SIDT2: variants seen among roughly 807,000 people sequenced by gnomAD.
The protein encoded by SIDT2 is SID1 transmembrane family member 2, also known as SID1 transmembrane family, member 2.
A neutral mutation model predicts 114.4 loss-of-function variants in SIDT2; 68 were observed. The ratio of observed to expected loss-of-function variants is 0.59; its 90% confidence interval spans 0.49 to 0.73. SIDT2 has a LOEUF of 0.73. Among genes scored for constraint, SIDT2 ranks in the 30% least tolerant of loss-of-function variants. The pLI, the probability that SIDT2 is intolerant of heterozygous loss-of-function variation, is 0.00. For synonymous variants in SIDT2, 470 were observed against 438.4 expected, an observed-to-expected ratio of 1.07 and a Z score of -0.90; for missense variants, 918 against 1,097.1, an observed-to-expected ratio of 0.84 and a Z score of 2.31.
At position 117,179,084 on chromosome 11, in the gene SIDT2, T is replaced by TG. The variant is rs2030143439; in HGVS notation, c.-177dup. On this transcript the variant is annotated 5_prime_UTR_variant, in exon 1 of 26. Transcript: ENST00000324225. Reference sequence around the variant, plus strand: ...GCCGCCCCCTCCCCTGCGGGGACCCTGGGAGCCTCTTCGGGGCTCTTGGGA... The same window carrying TG: ...GCCGCCCCCTCCCCTGCGGGGACCCTGGGGAGCCTCTTCGGGGCTCTTGGGA... 1.5e-6 allele frequency: 1 copy of TG among 650,710 alleles called. No individual in the cohort carries two copies. Among genetic ancestry groups the TG allele is most frequent in the Non-Finnish European group, 2.6e-6 (1 of 387,130 alleles). The allele number at this position is 650,710 out of a possible 1,614,324, so 40.3% of individuals were successfully genotyped here.
At position 117,183,773 on chromosome 11, in the gene SIDT2, C is replaced by CTGCTTT; in HGVS notation, c.703-3_703-2insTTTTGC. ...GAAGAAGATATTTATCATCATCATC[C>CTGCTTT]TGCAGCGCAAAGACTTCCCCAGCAA... On this transcript the variant is annotated splice_polypyrimidine_tract_variant and splice_region_variant and intron_variant, in intron 6 of 25. Coordinates refer to ENST00000324225, the MANE Select transcript of SIDT2 (RefSeq NM_001040455.2). 6.3e-7 allele frequency: 1 copy of CTGCTTT among 1,599,936 alleles called. No homozygotes were observed. The highest frequency in any genetic ancestry group is 8.6e-7 in the Non-Finnish European group (1 of 1,167,262).
chr11:117,179,309 G>C lies in SIDT2; in HGVS notation c.46G>C (p.Val16Leu), dbSNP rs1207477227. 24 of 1,614,052 alleles carry C rather than the reference G, an allele frequency of 1.5e-5. No individual in the cohort carries two copies. Among genetic ancestry groups the C allele is most frequent in the Non-Finnish European group, 2.0e-5 (24 of 1,180,024 alleles). Reference sequence around the variant, plus strand: ...CTTCTTGGTGCTCTTGGTGGCCTCGGTCGAGAGCCATCTGGGGGTTCTGGG... The same window carrying C: ...CTTCTTGGTGCTCTTGGTGGCCTCGCTCGAGAGCCATCTGGGGGTTCTGGG... ...LPFLVLLVASVESHLGVLGPK... is the reference protein window; with the variant it reads ...LPFLVLLVASLESHLGVLGPK... The change falls in exon 1 of 26, where the codon GTC (valine) becomes CTC (leucine). Residue 16 changes from valine to leucine, a missense_variant. Val to Leu is a conservative substitution (Grantham distance 32). Transcript: ENST00000324225.
At position 117,188,143 on chromosome 11, in the gene SIDT2, C is replaced by T. The variant is rs747773302; in HGVS notation, c.1159+444C>T. ...CCTTTGGCTGGCGGGCTGGCGCCTC[C>T]GCTCTCTCCAGGCTGGACAATCTAG... On this transcript the variant is annotated intron_variant, in intron 12 of 25. Coordinates refer to ENST00000324225, the MANE Select transcript of SIDT2 (RefSeq NM_001040455.2). This position sits in a 1 kb window ranked among gnomAD's most constrained non-coding sequence, Gnocchi z 4.0. The T allele has an allele frequency of 7.9e-6, 3 of 380,028 alleles. No individual in the cohort carries two copies. Among genetic ancestry groups the T allele is most frequent in the Admixed American group, 3.4e-5 (1 of 29,114 alleles). The allele number at this position is 380,028 out of a possible 1,614,324, so 23.5% of individuals were successfully genotyped here. A position where few individuals can be genotyped will look rare whatever the true frequency, so the allele number is the denominator to read the frequency against.
intron 8 of SIDT2, among the ~76,000 whole-genome samples, chr11:117,184,856 G>A (rs939642586): frequency 6.6e-6 from 1 of 152,120 alleles, no homozygotes; most frequent in Non-Finnish European, 1.5e-5. Context: ...CTCCTGAGTT[G>A]CTGGGATTAC....
chr11:117,181,412 GCAGA>G lies in SIDT2; in HGVS notation c.185_188del (p.Thr62ArgfsTer7). ...TTGAGAGGCATTTCCATGTCGTTCT[GCAGA>G]CAGAGGGCGTGCGTGTGTCTGTGAA... On this transcript the variant is annotated splice_acceptor_variant and splice_polypyrimidine_tract_variant and coding_sequence_variant and intron_variant, in exon 2 of 26. Coordinates refer to ENST00000324225, the MANE Select transcript of SIDT2 (RefSeq NM_001040455.2). LOFTEE classifies it high-confidence loss of function. 1 of 1,613,406 alleles carries G rather than the reference GCAGA, an allele frequency of 6.2e-7. No homozygotes were observed. Among genetic ancestry groups the G allele is most frequent in the Non-Finnish European group, 8.5e-7 (1 of 1,179,952 alleles).
intron 6 of SIDT2, among the ~76,000 whole-genome samples, chr11:117,183,203 G>A (rs2030362691): frequency 1.3e-5 from 2 of 151,776 alleles, no homozygotes; most frequent in African/African-American, 2.4e-5. Flanking sequence ...AAATTAGCTG[G>A]GCATGGTGGC....
Position 117,179,344 on chromosome 11 carries a change from C to G in SIDT2, c.81C>G (p.Asn27Lys), listed in dbSNP as rs750228178. The G allele has an allele frequency of 2.5e-6, 4 of 1,614,182 alleles. No homozygotes were observed. Among genetic ancestry groups the G allele is most frequent in the Non-Finnish European group, 3.4e-6 (4 of 1,180,028 alleles). The change falls in exon 1 of 26, where the codon AAC becomes AAG. Residue 27 changes from asparagine (N) to lysine (K), a missense_variant. Physicochemically the swap from Asn to Lys is moderately conservative, Grantham distance 94 (BLOSUM62 0). This residue lies in a region of SIDT2 where 553 missense variants were observed against 600.1 expected (regional missense o/e 0.92). Coordinates refer to ENST00000324225, the MANE Select transcript of SIDT2 (RefSeq NM_001040455.2). Reference sequence around the variant, plus strand: ...ATCTGGGGGTTCTGGGGCCCAAGAACGTCTCGCAGAAAGACGCCGAGTTTG... The same window carrying G: ...ATCTGGGGGTTCTGGGGCCCAAGAAGGTCTCGCAGAAAGACGCCGAGTTTG... ...ESHLGVLGPKNVSQKDAEFER... is the reference protein window; with the variant it reads ...ESHLGVLGPKKVSQKDAEFER...
Position 117,192,171 on chromosome 11 carries a change from G to C in SIDT2, c.1873-83G>C. On this transcript the variant is annotated intron_variant, in intron 19 of 25. Coordinates refer to ENST00000324225, the MANE Select transcript of SIDT2 (RefSeq NM_001040455.2). This position sits in a 1 kb window ranked among gnomAD's most constrained non-coding sequence, Gnocchi z 5.9. ...CCCCTCTCAGAGTCCCAGCCTGGCT[G>C]AGCAGCCAGCCCCAGGAAGGGTGGG... is the stretch of plus-strand genomic sequence containing the variant. 6.7e-7 allele frequency: 1 copy of C among 1,500,882 alleles called. No individual in the cohort carries two copies. The highest frequency in any genetic ancestry group is 2.3e-5 in the East Asian group (1 of 44,250). The allele number at this position is 1,500,882 out of a possible 1,614,324, so 93.0% of individuals were successfully genotyped here.
chr11:117,190,241 G>C lies in SIDT2; in HGVS notation c.1569G>C (p.Arg523=), dbSNP rs2030649680. 8 of 1,574,592 alleles carry C rather than the reference G, an allele frequency of 5.1e-6. No individual in the cohort carries two copies. The highest frequency in any genetic ancestry group is 6.9e-6 in the Non-Finnish European group (8 of 1,161,172). Residue 523 remains arginine, a synonymous_variant, in exon 17 of 26, where the codon CGG becomes CGC. Coordinates refer to ENST00000324225, the MANE Select transcript of SIDT2 (RefSeq NM_001040455.2). This position sits in a 1 kb window ranked among gnomAD's most constrained non-coding sequence, Gnocchi z 4.1. ...GLLFLLIILQ[R]EINHNRALLR... ...TTTTCCTGCTCATCATCCTGCAACGGGAGATCAACCACAACCGGGCCCTGC... is the reference window on the plus strand; with the variant it reads ...TTTTCCTGCTCATCATCCTGCAACGCGAGATCAACCACAACCGGGCCCTGC...
chr11:117,191,806 G>T (rs2030710208), intron 18 of SIDT2, 72 bp from the exon 19 acceptor site: 7 of 1,573,948 alleles, frequency 4.4e-6, no homozygotes, highest in Non-Finnish European at 6.0e-6. Flanking sequence ...CTCTGGGATT[G>T]TTGGGGCCAG....
intron 1 of SIDT2, chr11:117,179,719 T>A (rs1162919220): frequency 1.3e-5 from 5 of 386,708 alleles, no homozygotes; most frequent in Admixed American, 1.3e-4. Context: ...TGAGCACACA[T>A]GGCTTGCTCT....
intron 2 of SIDT2, 22 bp from the exon 3 acceptor site, chr11:117,181,785 A>G (rs1211363293): frequency 9.9e-6 from 16 of 1,613,784 alleles, no homozygotes; most frequent in East Asian, 4.5e-5. Flanking sequence ...CTCACATCCT[A>G]TCTCCCTGCT....
Position 117,190,693 on chromosome 11 carries a change from T to C in SIDT2, c.1688T>C (p.Leu563Pro), listed in dbSNP as rs773581462. 6.2e-7 allele frequency: 1 copy of C among 1,613,704 alleles called. No homozygotes were observed. Among genetic ancestry groups the C allele is most frequent in the Non-Finnish European group, 8.5e-7 (1 of 1,179,866 alleles). Reference sequence around the variant, plus strand: ...ACAGCCCTGATGATGGAGGGGCTGCTCAGTGCTTGCTATCATGTGTGCCCC... The same window carrying C: ...ACAGCCCTGATGATGGAGGGGCTGCCCAGTGCTTGCTATCATGTGTGCCCC... ...MGTALMMEGL[L>P]SACYHVCPNY... Residue 563 changes from leucine (L) to proline (P), a missense_variant, in exon 18 of 26, where the codon CTC becomes CCC. Coordinates refer to ENST00000324225, the MANE Select transcript of SIDT2 (RefSeq NM_001040455.2). The surrounding 1 kb of genome is among the most constrained non-coding windows in gnomAD (Gnocchi z 4.1).
At position 117,195,990 on chromosome 11, in the gene SIDT2, C is replaced by T. The variant is rs781055112; in HGVS notation, c.2437-14C>T. On this transcript the variant is annotated splice_polypyrimidine_tract_variant and intron_variant, in intron 25 of 25. Transcript: ENST00000324225. ...GCCTCCTTCTCTGTGGCTGATCTGG[C>T]GTCCACACCCCAGGTGTTGCTGACA... 5.0e-6 allele frequency: 8 copies of T among 1,614,132 alleles called. No homozygotes were observed. Among genetic ancestry groups the T allele is most frequent in the Admixed American group, 3.3e-5 (2 of 60,012 alleles).
rs1422586393 is a variant in SIDT2 at position 117,196,024 on chromosome 11, C to T, written c.2457C>T (p.Asp819=). Residue 819 remains aspartate, a synonymous_variant, in exon 26 of 26, where the codon GAC becomes GAT. Coordinates refer to ENST00000324225, the MANE Select transcript of SIDT2 (RefSeq NM_001040455.2). The surrounding 1 kb of genome is among the most constrained non-coding windows in gnomAD (Gnocchi z 4.9). ...CCCAGGTGTTGCTGACACTGGATGA[C>T]GACCTGGATACTGTGCAGCGGGACA... ...GSFLVLLTLD[D]DLDTVQRDKI... 11 of 1,614,116 alleles carry T rather than the reference C, an allele frequency of 6.8e-6. No homozygotes were observed. Among genetic ancestry groups the T allele is most frequent in the South Asian group, 4.4e-5 (4 of 91,092 alleles).
At position 117,196,287 on chromosome 11, in the gene SIDT2, A is replaced by AC; in HGVS notation, c.*226dup. 1 of 608,606 alleles carries AC rather than the reference A, an allele frequency of 1.6e-6. No homozygotes were observed. 37.7% of individuals were successfully genotyped at this position (608,606 alleles called of 1,614,324 possible). On this transcript the variant is annotated 3_prime_UTR_variant, in exon 26 of 26. Coordinates refer to ENST00000324225, the MANE Select transcript of SIDT2 (RefSeq NM_001040455.2). This position sits in a 1 kb window ranked among gnomAD's most constrained non-coding sequence, Gnocchi z 4.9. ...CGAGGAGCAGGCCTGCTCCCCTGGA[A>AC]CCCCCAGATGTTGGCCAAATTGCTG...
Position 117,179,460 on chromosome 11 carries a change from G to T in SIDT2, c.183+14G>T. On this transcript the variant is annotated intron_variant, in intron 1 of 25. Coordinates refer to ENST00000324225, the MANE Select transcript of SIDT2 (RefSeq NM_001040455.2). The stretch of plus-strand genomic sequence containing the variant: ...ACCCGCAACAGGGTGAGGGCTGGGG[G>T]CTTAGGGGCCAGAGGCGAGTGGGGA... 1 of 1,608,526 alleles carries T rather than the reference G, an allele frequency of 6.2e-7. No homozygotes were observed. The highest frequency in any genetic ancestry group is 8.5e-7 in the Non-Finnish European group (1 of 1,176,474).
rs1223284533 is a variant in SIDT2, at chr11:117,190,248, A to G, written c.1576A>G (p.Asn526Asp). The G allele has an allele frequency of 3.2e-6, 5 of 1,571,690 alleles. No individual in the cohort carries two copies. The highest frequency in any genetic ancestry group is 4.3e-6 in the Non-Finnish European group (5 of 1,159,788). The change falls in exon 17 of 26, where the codon AAC becomes GAC. Residue 526 changes from asparagine to aspartate, a missense_variant. By Grantham distance (23) the Asn-to-Asp change is conservative. Coordinates refer to ENST00000324225, the MANE Select transcript of SIDT2 (RefSeq NM_001040455.2). The surrounding 1 kb of genome is among the most constrained non-coding windows in gnomAD (Gnocchi z 4.1). The stretch of plus-strand genomic sequence containing the variant: ...GCTCATCATCCTGCAACGGGAGATC[A>G]ACCACAACCGGGCCCTGCTGCGCAA... ...FLLIILQREI[N>D]HNRALLRNDL...
rs1160103746 is a variant in SIDT2 at position 117,179,283 on chromosome 11, C to T, written c.20C>T (p.Pro7Leu). ...GGGGCCATGTTCGCTCTGGGCTTGC[C>T]CTTCTTGGTGCTCTTGGTGGCCTCG... MFALGL[P>L]FLVLLVASVE... Residue 7 changes from proline to leucine, a missense_variant, in exon 1 of 26, where the codon CCC becomes CTC. Around this residue, in one of 4 missense-constraint regions of SIDT2, gnomAD observed 553 missense variants for 600.1 expected, o/e 0.92. Transcript: ENST00000324225. The T allele has an allele frequency of 3.1e-6, 5 of 1,613,530 alleles. No homozygotes were observed. The highest frequency in any genetic ancestry group is 3.4e-6 in the Non-Finnish European group (4 of 1,179,896).
Sources: gnomAD v4.1 joint callset for allele counts (sites outside exome capture counted in the v4.1 genomes callset) on GRCh38, gnomAD v4.1.1 for gene constraint, gnomAD v4.1.1 regional missense constraint, Gnocchi (gnomAD v3.1) non-coding constraint, MANE v1.5 for transcripts, NCBI Gene and HGNC (gene_info 2026-07-23, HGNC 2026-07-21) for gene names.